The following CLEC16A variants were observed in gnomAD, a reference collection of about 807,000 sequenced individuals.
CLEC16A encodes the protein C-type lectin domain containing 16A.
Under a neutral mutation model 109.5 loss-of-function variants are expected in CLEC16A, and 51 were observed. The observed-to-expected ratio is 0.47, with a 90% CI of 0.37 to 0.59. CLEC16A has a LOEUF of 0.59. Among genes scored for constraint, CLEC16A ranks in the 20% least tolerant of loss-of-function variants. The probability of loss-of-function intolerance (pLI) is 0.00; values close to 1 mark genes in which losing one functional copy is unlikely to be tolerated. For missense variants in CLEC16A, 1,339 were observed against 1,394.0 expected, an observed-to-expected ratio of 0.96 and a Z score of 0.63; for synonymous variants, 673 against 564.2, an observed-to-expected ratio of 1.19 and a Z score of -2.73.
chr16:11,017,602 C>T (rs955134270), intron 11 of CLEC16A, among the ~76,000 whole-genome samples: 3 of 152,086 alleles, frequency 2.0e-5, no homozygotes, highest in African/African-American at 4.8e-5. Flanking sequence ...TTCACAGTGG[C>T]GAAAGCTGAT....
intron 3 of CLEC16A, among the ~76,000 whole-genome samples, chr16:10,968,094 G>T (rs1273545962): frequency 6.6e-6 from 1 of 152,250 alleles, no homozygotes; most frequent in African/African-American, 2.4e-5. Flanking sequence ...TGGGGGCCGG[G>T]CAGGTGAGCT....
chr16:10,960,835 G>A (rs1238635306), intron 2 of CLEC16A, among the ~76,000 whole-genome samples: 7 of 152,026 alleles, frequency 4.6e-5, no homozygotes, highest in African/African-American at 1.7e-4. Context: ...TTATTTTATT[G>A]CTCAAGTTGT....
At chr16:10,996,040 G>A (rs916963322) in intron 10 of CLEC16A, among the ~76,000 whole-genome samples, 5 of 151,838 alleles carry the variant, frequency 3.3e-5, no homozygotes, top group South Asian at 4.1e-4. Context: ...TCTTTCCTTC[G>A]TGCTCAACCA....
At position 11,024,936 on chromosome 16, in the gene CLEC16A, C is replaced by A; in HGVS notation, c.1537+15C>A. 1 of 1,574,476 alleles carries A rather than the reference C, an allele frequency of 6.4e-7. No homozygotes were observed. The highest frequency in any genetic ancestry group is 1.1e-5 in the South Asian group (1 of 87,122). ...TCATAATAAAGGTAAGCACCCTTGC[C>A]TTGCCTGACTTCCTTGCTGGGCCCT... is the stretch of plus-strand genomic sequence containing the variant. On this transcript the variant is annotated intron_variant, in intron 13 of 23. Coordinates refer to ENST00000409790, the MANE Select transcript of CLEC16A (RefSeq NM_015226.3).
intron 19 of CLEC16A, among the ~76,000 whole-genome samples, chr16:11,071,431 G>C (rs1269855620): frequency 6.6e-6 from 1 of 152,176 alleles, no homozygotes; most frequent in East Asian, 1.9e-4. Flanking sequence ...GACGAAGGTA[G>C]AGGGGTACTG....
At chr16:11,157,236 G>T in intron 22 of CLEC16A, 5 of 1,211,036 alleles carry the variant, frequency 4.1e-6, no homozygotes, top group Non-Finnish European at 5.3e-6. Flanking sequence ...GTGAGGTGCA[G>T]CCTAGTCAGT....
chr16:11,060,873 C>T (rs761348736), intron 18 of CLEC16A, 29 bp from the exon 19 acceptor site: 6 of 1,573,866 alleles, frequency 3.8e-6, no homozygotes, highest in South Asian at 3.5e-5. Context: ...CAATCTCACT[C>T]TTCTCTGCTC....
intron 23 of CLEC16A, among the ~76,000 whole-genome samples, chr16:11,170,941 G>A (rs1160729893): frequency 6.6e-6 from 1 of 152,162 alleles, no homozygotes; most frequent in Non-Finnish European, 1.5e-5. Context: ...GACAGCCGGG[G>A]GATGAGGGGT....
chr16:11,042,391 G>A (rs768274216), intron 15 of CLEC16A, 28 bp downstream of exon 15: 1 of 1,516,168 alleles, frequency 6.6e-7, no homozygotes, highest in East Asian at 2.4e-5. Context: ...CCTCCTTCCT[G>A]TGGGCCAAGG....
At chr16:11,068,005 T>C (rs1210545455) in intron 19 of CLEC16A, among the ~76,000 whole-genome samples, 1 of 152,214 alleles carries the variant, frequency 6.6e-6, no homozygotes, top group Non-Finnish European at 1.5e-5. Flanking sequence ...GCTGTGGACC[T>C]TCCCTTTGCT....
chr16:10,945,996 T>C (rs991332217), intron 1 of CLEC16A, among the ~76,000 whole-genome samples: 2 of 152,066 alleles, frequency 1.3e-5, no homozygotes, highest in East Asian at 3.9e-4. Flanking sequence ...AATGATTGAA[T>C]TGGGGAGAGA....
intron 2 of CLEC16A, among the ~76,000 whole-genome samples, chr16:10,960,270 A>G (rs1025302048): frequency 2.0e-5 from 3 of 152,034 alleles, no homozygotes; most frequent in Non-Finnish European, 4.4e-5. Flanking sequence ...CCATGTTCCC[A>G]TAGTACATTT....
At chr16:11,011,760 A>G (rs1271150536) in intron 11 of CLEC16A, among the ~76,000 whole-genome samples, 2 of 152,146 alleles carry the variant, frequency 1.3e-5, no homozygotes, top group Non-Finnish European at 2.9e-5. Context: ...ACATATAAGC[A>G]TGCGTACACA....
intron 22 of CLEC16A, among the ~76,000 whole-genome samples, chr16:11,151,908 T>C (rs189195081): frequency 1.1e-4 from 17 of 152,176 alleles, no homozygotes; most frequent in Non-Finnish European, 2.4e-4. Flanking sequence ...TTCTGAGAGC[T>C]GGAGACGGGT....
Position 10,962,497 on chromosome 16 carries a change from C to G in CLEC16A, c.252C>G (p.Ile84Met), listed in dbSNP as rs202055326. 6.2e-7 allele frequency: 1 copy of G among 1,613,968 alleles called. No homozygotes were observed. Among genetic ancestry groups the G allele is most frequent in the Non-Finnish European group, 8.5e-7 (1 of 1,179,882 alleles). ...EKNMFVFFLN[I>M]LRQKSGRYVC... ...ATATGTTTGTTTTCTTCTTGAACAT[C>G]TTGCGGCAAAAGTCGGGCCGTTACG... is the stretch of plus-strand genomic sequence containing the variant. The change falls in exon 3 of 24, where the codon ATC becomes ATG. Residue 84 changes from isoleucine to methionine, a missense_variant. Coordinates refer to ENST00000409790, the MANE Select transcript of CLEC16A (RefSeq NM_015226.3).
intron 22 of CLEC16A, chr16:11,126,502 G>C (rs1238700465): frequency 2.0e-6 from 2 of 977,474 alleles, no homozygotes; most frequent in South Asian, 3.7e-5. Context: ...ACTAGAAAGA[G>C]AGAGTGTGTT....
chr16:11,015,920 C>T (rs2045718652), intron 11 of CLEC16A, among the ~76,000 whole-genome samples: 1 of 152,158 alleles, frequency 6.6e-6, no homozygotes, highest in South Asian at 2.1e-4. Flanking sequence ...CCTCATGGGG[C>T]AGAGGCCAGA....
intron 10 of CLEC16A, among the ~76,000 whole-genome samples, chr16:10,985,543 G>A (rs2043591639): frequency 9.4e-6 from 1 of 106,860 alleles, no homozygotes; most frequent in East Asian, 4.8e-4. Flanking sequence ...TGGGTCCCTC[G>A]GGACTTTTTT....
chr16:11,137,027 C>G (rs1020721069), intron 22 of CLEC16A, among the ~76,000 whole-genome samples: 1 of 152,208 alleles, frequency 6.6e-6, no homozygotes, highest in Non-Finnish European at 1.5e-5. Flanking sequence ...ATCAGGTGAG[C>G]TTTGGGAACC....
Sources: allele counts gnomAD v4.1 joint callset (sites outside exome capture counted in the v4.1 genomes callset), GRCh38; gene constraint gnomAD v4.1.1; transcripts MANE v1.5; gene names NCBI Gene and HGNC (gene_info 2026-07-23, HGNC 2026-07-21).